ABR: variants seen among roughly 807,000 people sequenced by gnomAD.
ABR encodes ABR activator of RhoGEF and GTPase.
Under a neutral mutation model 107.2 loss-of-function variants are expected in ABR, and 35 were observed. The observed-to-expected ratio is 0.33, with a 90% CI of 0.25 to 0.43. The LOEUF (loss-of-function observed/expected upper bound fraction) is 0.43. ABR is among the 20% of genes least tolerant of loss of function. The pLI is 1.00. For missense variants in ABR, 815 were observed against 1,115.2 expected, an observed-to-expected ratio of 0.73 and a Z score of 3.83; for synonymous variants, 498 against 462.0, an observed-to-expected ratio of 1.08 and a Z score of -1.00.
chr17:1,110,827 C>A (rs1237974813), intron 2 of ABR, among the ~76,000 whole-genome samples: 2 of 152,226 alleles, frequency 1.3e-5, no homozygotes, highest in Non-Finnish European at 1.5e-5. Flanking sequence ...CAGAGGCACA[C>A]CCCCACCCCA....
intron 1 of ABR, among the ~76,000 whole-genome samples, chr17:1,203,128 C>T (rs1366181946): frequency 6.6e-6 from 1 of 152,116 alleles, no homozygotes; most frequent in Non-Finnish European, 1.5e-5. Context: ...TCAGGTGATC[C>T]GCCCGCCTCG....
At chr17:1,213,876 A>C (rs576833429) in intron 1 of ABR, among the ~76,000 whole-genome samples, 2 of 151,880 alleles carry the variant, frequency 1.3e-5, no homozygotes, top group South Asian at 4.2e-4. Flanking sequence ...TATTTTGGAG[A>C]GATGTGAAAT....
At chr17:1,018,606 C>A (rs2586247) in intron 16 of ABR, among the ~76,000 whole-genome samples, 3 of 151,872 alleles carry the variant, frequency 2.0e-5, no homozygotes, top group Non-Finnish European at 2.9e-5. Context: ...ACAACCTGGT[C>A]GGGGGGAGTG....
In ABR at chr17:1,186,346, C is replaced by T. The variant is rs186268347; in HGVS notation, c.-78+454G>A. ...AACAGAGGTGAACTGGAAGCCCTTCCCAGTTAGTCATTTCTGCACCAAACT... is the reference window on the plus strand; with the variant it reads ...AACAGAGGTGAACTGGAAGCCCTTCTCAGTTAGTCATTTCTGCACCAAACT... On this transcript the variant is annotated intron_variant, in intron 1 of 22. Transcript: ENST00000544583. Among the ~76,000 whole-genome samples, 28 of 152,356 alleles carry T rather than the reference C, an allele frequency of 1.8e-4. No homozygotes were observed. In the East Asian group the frequency reaches 5.4e-3, roughly 29 times the overall value.
chr17:1,201,737 G>C (rs898986853), intron 1 of ABR, among the ~76,000 whole-genome samples: 1 of 151,998 alleles, frequency 6.6e-6, no homozygotes, highest in African/African-American at 2.4e-5. Context: ...GTGCAGTGGC[G>C]TGATCTCTGG....
At chr17:1,164,825 C>T (rs2041443679) in intron 1 of ABR, among the ~76,000 whole-genome samples, 1 of 152,050 alleles carries the variant, frequency 6.6e-6, no homozygotes. Flanking sequence ...TGCCACCACT[C>T]CCAGCTAATT....
At chr17:1,019,725 G>A (rs777298134) in intron 16 of ABR, among the ~76,000 whole-genome samples, 4 of 152,284 alleles carry the variant, frequency 2.6e-5, no homozygotes, top group Non-Finnish European at 5.9e-5. Flanking sequence ...AATGTGGACT[G>A]TGCTATTTCC....
At position 1,098,174 on chromosome 17, in the gene ABR, G is replaced by A. The variant is rs534181107; in HGVS notation, c.345+2463C>T. ...TGCAAGCTCCGCCTCCCAGGTTGACGCCATTCTCCTGCCTCAGCCTCCCGA... is the reference window on the plus strand; with the variant it reads ...TGCAAGCTCCGCCTCCCAGGTTGACACCATTCTCCTGCCTCAGCCTCCCGA... On this transcript the variant is annotated intron_variant, in intron 3 of 22. Transcript: ENST00000302538. Among the ~76,000 whole-genome samples the A allele has an allele frequency of 3.3e-5, 5 of 151,734 alleles. No homozygotes were observed. In the South Asian group the frequency reaches 8.3e-4, roughly 25 times the overall value.
chr17:1,103,244 A>ATCTT (rs1372039201), intron 2 of ABR, among the ~76,000 whole-genome samples: 1 of 152,018 alleles, frequency 6.6e-6, no homozygotes, highest in Non-Finnish European at 1.5e-5. Context: ...TTCCTGAGGC[A>ATCTT]CCGAGAGTCG....
In ABR at chr17:1,067,160, G is replaced by T; in HGVS notation, c.1099C>A (p.Pro367Thr). ...TGGTCTGGGAAGGGGTGCACCTGGG[G>T]GCTGGCCTCAGACTCCTCGGGGGAT... ...FPSPEESEASPQVHPFPDHEL... is the reference protein window; with the variant it reads ...FPSPEESEASTQVHPFPDHEL... The change falls in exon 10 of 23, where the codon CCC becomes ACC. Residue 367 changes from proline (P) to threonine (T), a missense_variant. Pro to Thr is a conservative substitution (Grantham distance 38). This residue lies in a region of ABR where 385 missense variants were observed against 596.9 expected (regional missense o/e 0.64). Coordinates refer to ENST00000302538, the MANE Select transcript of ABR (RefSeq NM_021962.5). The T allele has an allele frequency of 1.2e-6, 2 of 1,613,784 alleles. No homozygotes were observed. The highest frequency in any genetic ancestry group is 1.7e-6 in the Non-Finnish European group (2 of 1,179,912).
At chr17:1,094,076 C>T (rs1193507235) in intron 3 of ABR, among the ~76,000 whole-genome samples, 2 of 152,010 alleles carry the variant, frequency 1.3e-5, no homozygotes, top group Admixed American at 1.3e-4. Context: ...CTGACCCTCA[C>T]CGTCCTAGAA....
Position 1,143,565 on chromosome 17 carries a change from CAGG to C in ABR, c.62-18201_62-18199del, listed in dbSNP as rs541448668. Among the ~76,000 whole-genome samples, 5 of 150,810 alleles carry C rather than the reference CAGG, an allele frequency of 3.3e-5. No homozygotes were observed. The South Asian group carries it at 1.0e-3, about 32-fold the overall frequency. ...CATTCCTGGGGGACAGCTGCTGTTGCAGGAGTTGTTTGCTCCGGCTCTGCCTCC... is the reference window on the plus strand; with the variant it reads ...CATTCCTGGGGGACAGCTGCTGTTGCAGTTGTTTGCTCCGGCTCTGCCTCC... On this transcript the variant is annotated intron_variant, in intron 1 of 22. Transcript: ENST00000302538.
chr17:1,060,426 A>T (rs2033791182), intron 10 of ABR, among the ~76,000 whole-genome samples: 2 of 152,114 alleles, frequency 1.3e-5, no homozygotes, highest in African/African-American at 4.8e-5. Flanking sequence ...AAAGAAAAAG[A>T]ATCTGATACA....
rs142715389 is a variant in ABR, at chr17:1,027,469, C to T, written c.1792-14305G>A. 2.2e-4 allele frequency among the ~76,000 whole-genome samples: 33 copies of T among 152,276 alleles called. No homozygotes were observed. The highest frequency in any genetic ancestry group is 6.5e-4 in the African/African-American group (27 of 41,572). ...TCAGATTCTCAGAGTCCAGGGTTCCCGCTCTGCGGACTCAAGCAAGCCTCT... is the reference window on the plus strand; with the variant it reads ...TCAGATTCTCAGAGTCCAGGGTTCCTGCTCTGCGGACTCAAGCAAGCCTCT... On this transcript the variant is annotated intron_variant, in intron 16 of 22. Coordinates refer to ENST00000302538, the MANE Select transcript of ABR (RefSeq NM_021962.5). The surrounding 1 kb of genome is among the most constrained non-coding windows in gnomAD (Gnocchi z 4.7).
At chr17:1,211,198 G>A (rs2042895038) in intron 1 of ABR, among the ~76,000 whole-genome samples, 1 of 152,158 alleles carries the variant, frequency 6.6e-6, no homozygotes, top group Non-Finnish European at 1.5e-5. Flanking sequence ...AGAATTGCTT[G>A]AGCCCAGGAG....
At chr17:1,208,194 T>G (rs1431508149) in intron 1 of ABR, among the ~76,000 whole-genome samples, 17 of 152,118 alleles carry the variant, frequency 1.1e-4, no homozygotes, top group Admixed American at 1.1e-3. Context: ...GACCCCCAGA[T>G]GAGTCCCTGG....
chr17:1,021,841 T>C (rs2071691395), intron 16 of ABR, among the ~76,000 whole-genome samples: 1 of 143,638 alleles, frequency 7.0e-6, no homozygotes, highest in African/African-American at 2.6e-5. Context: ...AATCTGTTCC[T>C]GAGAGGTGGG....
At chr17:1,066,360 C>T in intron 10 of ABR, among the ~76,000 whole-genome samples, 1 of 152,192 alleles carries the variant, frequency 6.6e-6, no homozygotes, top group East Asian at 1.9e-4. Context: ...AGCTTCTCTG[C>T]ATTTTTAAGT....
At chr17:1,031,686 AG>A (rs2072781931) in intron 16 of ABR, 14 of 1,255,048 alleles carry the variant, frequency 1.1e-5, no homozygotes, top group Non-Finnish European at 1.2e-5. Context: ...CTCCAGCGCC[AG>A]GGGTTCGCGC....
Sources: allele counts gnomAD v4.1 joint callset (sites outside exome capture counted in the v4.1 genomes callset), GRCh38; gene constraint gnomAD v4.1.1; regional missense constraint gnomAD v4.1.1; non-coding constraint Gnocchi (gnomAD v3.1); transcripts MANE v1.5; gene names NCBI Gene and HGNC (gene_info 2026-07-23, HGNC 2026-07-21).